Variants in ORC4 observed in about 807,000 individuals in gnomAD.
ORC4 encodes origin recognition complex subunit 4.
A neutral mutation model predicts 63.9 loss-of-function variants in ORC4; 55 were observed. That is an observed-to-expected ratio of 0.86 (90% CI 0.69 to 1.08). The LOEUF is 1.08. Among genes scored for constraint, ORC4 ranks in the 50% least tolerant of loss-of-function variants. ORC4 has a pLI of 0.00. For missense variants in ORC4, 511 were observed against 504.4 expected (o/e 1.01, Z -0.13); for synonymous variants, 150 against 168.5 (o/e 0.89, Z 0.85).
At chr2:147,987,944 T>C (rs1573853018) in intron 1 of ORC4, among the ~76,000 whole-genome samples, 1 of 151,730 alleles carries the variant, frequency 6.6e-6, no homozygotes, top group South Asian at 2.1e-4. Context: ...TCCCAGCTAC[T>C]TGGGAGGCTT....
At chr2:147,947,306 C>A (rs1573762069) in intron 9 of ORC4, among the ~76,000 whole-genome samples, 1 of 152,086 alleles carries the variant, frequency 6.6e-6, no homozygotes, top group East Asian at 1.9e-4. Context: ...GAGATTCTAG[C>A]ATAAGGGACT....
At chr2:147,977,256 C>T (rs1229901627) in intron 1 of ORC4, among the ~76,000 whole-genome samples, 1 of 152,158 alleles carries the variant, frequency 6.6e-6, no homozygotes, top group Non-Finnish European at 1.5e-5. Context: ...GTATTCTGGT[C>T]TCATCTAATC....
chr2:148,000,740 C>G (rs999230567), intron 1 of ORC4, among the ~76,000 whole-genome samples: 5 of 152,020 alleles, frequency 3.3e-5, no homozygotes, highest in African/African-American at 1.2e-4. Context: ...ATACTTGATA[C>G]CTCTGAATAT....
chr2:148,008,747 C>T (rs1049891439), intron 1 of ORC4, among the ~76,000 whole-genome samples: 4 of 152,170 alleles, frequency 2.6e-5, no homozygotes, highest in Non-Finnish European at 4.4e-5. Flanking sequence ...AATAGGGGAA[C>T]GACAGAGCAG....
intron 1 of ORC4, among the ~76,000 whole-genome samples, chr2:148,002,985 C>G (rs1043505331): frequency 2.0e-5 from 3 of 152,208 alleles, no homozygotes; most frequent in Non-Finnish European, 4.4e-5. Flanking sequence ...ATAAACACTT[C>G]TACACAAATA....
chr2:147,936,975 G>A (rs755409324), intron 13 of ORC4: 3 of 132,496 alleles, frequency 2.3e-5, no homozygotes, highest in African/African-American at 8.7e-5. Flanking sequence ...CCAAGATTGC[G>A]CCCGCCACTG....
rs1304027118 is a variant in ORC4 at position 147,931,012 on chromosome 2, C to T, written c.*4498G>A. Reference sequence around the variant, plus strand: ...CTAATGCTATCCCTCCCCCATCCCCCCACCCCACAACAGTCCCCAGAGTGT... The same window carrying T: ...CTAATGCTATCCCTCCCCCATCCCCTCACCCCACAACAGTCCCCAGAGTGT... On this transcript the variant is annotated 3_prime_UTR_variant, in exon 14 of 14. Coordinates refer to ENST00000392857, the MANE Select transcript of ORC4 (RefSeq NM_181741.4). 1 of 146,340 alleles carries T rather than the reference C, an allele frequency of 6.8e-6. No individual in the cohort carries two copies. Among genetic ancestry groups the T allele is most frequent in the Non-Finnish European group, 1.5e-5 (1 of 66,016 alleles). The allele number at this position is 146,340 out of a possible 1,614,324, so 9.1% of individuals were successfully genotyped here. A position where few individuals can be genotyped will look rare whatever the true frequency, so the allele number is the denominator to read the frequency against.
At chr2:147,940,842 A>C (rs547529914) in intron 10 of ORC4, among the ~76,000 whole-genome samples, 4 of 152,108 alleles carry the variant, frequency 2.6e-5, no homozygotes, top group Non-Finnish European at 5.9e-5. Context: ...ATTTTTTTTA[A>C]CATATACAAA....
chr2:147,952,201 C>T (rs564325490), intron 8 of ORC4, among the ~76,000 whole-genome samples, 172 bp downstream of exon 8: 10 of 152,164 alleles, frequency 6.6e-5, no homozygotes, highest in African/African-American at 2.2e-4. Context: ...GCTAAGGTAA[C>T]TACTAAACTG....
upstream of ORC4, chr2:148,021,328 A>T: frequency 8.5e-6 from 3 of 351,956 alleles, no homozygotes; most frequent in East Asian, 7.6e-5. Flanking sequence ...TTCTTCGAAA[A>T]CCCCCATCCA....
intron 13 of ORC4, among the ~76,000 whole-genome samples, chr2:147,937,282 G>A (rs916114353): frequency 1.2e-4 from 18 of 152,086 alleles, no homozygotes; most frequent in African/African-American, 4.1e-4. Context: ...TTCAAGAGCT[G>A]CACTGTCCAC....
chr2:147,973,606 G>T, intron 2 of ORC4, 82 bp from the exon 3 acceptor site: 1 of 800,450 alleles, frequency 1.2e-6, no homozygotes, highest in East Asian at 2.7e-5. Flanking sequence ...ATTTACAATA[G>T]TCAGAATTAG....
intron 1 of ORC4, among the ~76,000 whole-genome samples, chr2:148,005,026 T>C (rs1386297387): frequency 6.6e-6 from 1 of 152,156 alleles, no homozygotes; most frequent in Non-Finnish European, 1.5e-5. Flanking sequence ...GAACCAGAAA[T>C]ACCATTTGAC....
At chr2:148,012,430 C>T (rs1693026155) in intron 1 of ORC4, among the ~76,000 whole-genome samples, 1 of 152,000 alleles carries the variant, frequency 6.6e-6, no homozygotes, top group Non-Finnish European at 1.5e-5. Context: ...CCAACTCTTG[C>T]CATATACAAA....
At chr2:147,961,326 A>G (rs1318280312) in intron 4 of ORC4, among the ~76,000 whole-genome samples, 1 of 151,674 alleles carries the variant, frequency 6.6e-6, no homozygotes, top group Non-Finnish European at 1.5e-5. Context: ...TGTCCCAGCT[A>G]CTCGGGAGGC....
chr2:147,991,695 G>C (rs561882570), intron 1 of ORC4, among the ~76,000 whole-genome samples: 1 of 152,172 alleles, frequency 6.6e-6, no homozygotes, highest in Admixed American at 6.5e-5. Context: ...AGGTGTCGTG[G>C]TGCGTACCTG....
intron 1 of ORC4, among the ~76,000 whole-genome samples, chr2:148,013,813 A>G (rs1022451799): frequency 6.6e-6 from 1 of 152,216 alleles, no homozygotes; most frequent in African/African-American, 2.4e-5. Context: ...AAAGACAATT[A>G]GGGTTTTATT....
Position 147,939,307 on chromosome 2 carries a change from T to C in ORC4, c.850-59A>G, listed in dbSNP as rs553116624. 1.1e-5 allele frequency: 11 copies of C among 1,015,234 alleles called. No individual in the cohort carries two copies. The South Asian group carries it at 1.4e-4, about 13-fold the overall frequency. The allele number at this position is 1,015,234 out of a possible 1,614,324, so 62.9% of individuals were successfully genotyped here. A position where few individuals can be genotyped will look rare whatever the true frequency, so the allele number is the denominator to read the frequency against. On this transcript the variant is annotated intron_variant, in intron 10 of 13. Coordinates refer to ENST00000392857, the MANE Select transcript of ORC4 (RefSeq NM_181741.4). ...ATTTACATGGGCATTTTGGAGATAC[T>C]GTGCAAAACTTCTGAATTTGTATAG...
chr2:147,969,194 GAGTA>G (rs1341351557), intron 4 of ORC4, among the ~76,000 whole-genome samples: 1 of 151,924 alleles, frequency 6.6e-6, no homozygotes, highest in African/African-American at 2.4e-5. Flanking sequence ...AAGATAGGAG[GAGTA>G]AGTAACAGTG....
Sources: allele counts gnomAD v4.1 joint callset (sites outside exome capture counted in the v4.1 genomes callset), GRCh38; gene constraint gnomAD v4.1.1; transcripts MANE v1.5; gene names NCBI Gene and HGNC (gene_info 2026-07-23, HGNC 2026-07-21).